The following DCDC1 variants were observed in gnomAD, a reference collection of about 807,000 sequenced individuals.
The protein encoded by DCDC1 is doublecortin domain-containing protein 1.
In DCDC1, 200 loss-of-function variants were observed where a neutral mutation model predicts 178.3. The ratio of observed to expected loss-of-function variants is 1.12; its 90% CI spans 1.00 to 1.26. The LOEUF (loss-of-function observed/expected upper bound fraction) is 1.26. Ranked by LOEUF, DCDC1 falls within the 50% of genes most tolerant of loss-of-function variation. The pLI is 0.00. For missense variants in DCDC1, 1,983 were observed against 1,749.2 expected (o/e 1.13, Z -2.38); for synonymous variants, 690 against 604.8 (o/e 1.14, Z -2.07).
intron 20 of DCDC1, among the ~76,000 whole-genome samples, chr11:30,986,523 G>C (rs1248428806): frequency 6.6e-6 from 1 of 151,894 alleles, no homozygotes; most frequent in East Asian, 1.9e-4. Flanking sequence ...AGTAGAGACG[G>C]GGTTTCACCA....
At chr11:30,876,166 T>C (rs1279526996) in intron 38 of DCDC1, among the ~76,000 whole-genome samples, 1 of 152,186 alleles carries the variant, frequency 6.6e-6, no homozygotes, top group African/African-American at 2.4e-5. Context: ...GATGGTTGCT[T>C]TAGTATTTAA....
At chr11:31,038,856 T>C (rs1954251325) in intron 20 of DCDC1, among the ~76,000 whole-genome samples, 1 of 151,872 alleles carries the variant, frequency 6.6e-6, no homozygotes. Context: ...AAAAGATATC[T>C]TTTGATGAAA....
intron 10 of DCDC1, among the ~76,000 whole-genome samples, chr11:31,135,936 A>C (rs1266231317): frequency 6.6e-6 from 1 of 152,104 alleles, no homozygotes; most frequent in African/African-American, 2.4e-5. Flanking sequence ...TTCCAAGGCC[A>C]CTTCAAGTTT....
At chr11:30,968,868 T>C (rs901419907) in intron 20 of DCDC1, among the ~76,000 whole-genome samples, 1 of 151,328 alleles carries the variant, frequency 6.6e-6, no homozygotes, top group Non-Finnish European at 1.5e-5. Context: ...CTCGAAATTA[T>C]TGAATTCTTA....
intron 9 of DCDC1, among the ~76,000 whole-genome samples, chr11:31,169,960 T>C (rs1967002127): frequency 1.3e-5 from 2 of 152,194 alleles, no homozygotes; most frequent in African/African-American, 4.8e-5. Flanking sequence ...AAATGTGGGA[T>C]GCATGTGGCT....
chr11:31,301,010 T>C (rs999495589), intron 6 of DCDC1, among the ~76,000 whole-genome samples: 1 of 152,182 alleles, frequency 6.6e-6, no homozygotes, highest in Non-Finnish European at 1.5e-5. Context: ...GGTCCATCTC[T>C]TATAATTGTC....
chr11:31,292,377 G>A (rs555096874), intron 6 of DCDC1, among the ~76,000 whole-genome samples: 68 of 152,084 alleles, frequency 4.5e-4, no homozygotes, highest in Non-Finnish European at 8.5e-4. Context: ...ATCAATAGAT[G>A]AATGGATAAA....
chr11:31,310,421 C>T (rs1408811000), intron 3 of DCDC1, among the ~76,000 whole-genome samples: 4 of 142,916 alleles, frequency 2.8e-5, no homozygotes, highest in Non-Finnish European at 6.0e-5. Context: ...CAGGTTCAAG[C>T]GATTCTTCTG....
chr11:30,872,945 C>T (rs982103453), intron 38 of DCDC1, among the ~76,000 whole-genome samples: 3 of 151,868 alleles, frequency 2.0e-5, no homozygotes, highest in African/African-American at 7.3e-5. Context: ...TCACATTCAC[C>T]TCTGCATGCC....
intron 20 of DCDC1, among the ~76,000 whole-genome samples, chr11:31,007,730 C>A (rs548422402): frequency 6.7e-6 from 1 of 149,396 alleles, no homozygotes; most frequent in South Asian, 2.1e-4. Context: ...GTGGTGTGAT[C>A]TCGGCTCACT....
intron 8 of DCDC1, among the ~76,000 whole-genome samples, chr11:31,249,150 CA>C (rs1449684605): frequency 1.3e-5 from 2 of 151,976 alleles, no homozygotes; most frequent in African/African-American, 4.8e-5. Context: ...ATGACTAAAA[CA>C]AGTGTACCCC....
At chr11:31,137,806 C>T (rs1182169516) in intron 9 of DCDC1, 22 bp from the exon 10 acceptor site, 4 of 699,894 alleles carry the variant, frequency 5.7e-6, no homozygotes, top group Non-Finnish European at 1.0e-5. Context: ...AAATAAACAG[C>T]ATGAAAGCAG....
At chr11:31,215,403 T>C (rs1973414730) in intron 9 of DCDC1, 1 of 152,292 alleles carries the variant, frequency 6.6e-6, no homozygotes, top group Non-Finnish European at 1.5e-5. Flanking sequence ...GGTGTTTATG[T>C]CATGTGTATA....
chr11:30,972,251 T>A (rs1193721332), intron 20 of DCDC1, among the ~76,000 whole-genome samples: 1 of 152,164 alleles, frequency 6.6e-6, no homozygotes, highest in Admixed American at 6.5e-5. Flanking sequence ...TAGTCACTTA[T>A]GAGGAAACCT....
chr11:31,210,506 T>C (rs1056167183), intron 9 of DCDC1, among the ~76,000 whole-genome samples: 4 of 148,412 alleles, frequency 2.7e-5, no homozygotes, highest in African/African-American at 7.4e-5. Context: ...AGGTCAGGAG[T>C]TCAAGACCAG....
At chr11:31,206,161 T>C (rs1252435880) in intron 9 of DCDC1, among the ~76,000 whole-genome samples, 1 of 152,186 alleles carries the variant, frequency 6.6e-6, no homozygotes, top group Admixed American at 6.6e-5. Flanking sequence ...GAAAAGTTGA[T>C]ATGAAAATGA....
intron 3 of DCDC1, among the ~76,000 whole-genome samples, chr11:31,311,264 C>T (rs1412269862): frequency 6.6e-6 from 1 of 152,080 alleles, no homozygotes; most frequent in East Asian, 1.9e-4. Flanking sequence ...AAGTACCTAG[C>T]AACGGCCCAG....
chr11:31,299,318 T>C (rs973569541), intron 6 of DCDC1, among the ~76,000 whole-genome samples: 10 of 152,238 alleles, frequency 6.6e-5, no homozygotes, highest in Non-Finnish European at 1.0e-4. Flanking sequence ...GTCTTCAATT[T>C]ACATTTGATT....
intron 3 of DCDC1, among the ~76,000 whole-genome samples, chr11:31,324,832 G>A (rs932876179): frequency 6.6e-6 from 1 of 152,162 alleles, no homozygotes; most frequent in African/African-American, 2.4e-5. Flanking sequence ...TGATTGAATA[G>A]ATTAGGTGTC....
Sources: allele counts gnomAD v4.1 joint callset (sites outside exome capture counted in the v4.1 genomes callset), GRCh38; gene constraint gnomAD v4.1.1; transcripts MANE v1.5; gene names NCBI Gene and HGNC (gene_info 2026-07-23, HGNC 2026-07-21).